Variants in ADGRB1 observed in about 807,000 individuals in gnomAD.
ADGRB1 encodes adhesion G protein-coupled receptor B1, also known as brain-specific angiogenesis inhibitor 1.
Under a neutral mutation model 175.7 loss-of-function variants are expected in ADGRB1, and 36 were observed. The ratio of observed to expected loss-of-function variants is 0.20; its 90% CI spans 0.16 to 0.27. The LOEUF is 0.27. Among genes scored for constraint, ADGRB1 ranks in the 10% least tolerant of loss-of-function variants. The pLI, the probability that ADGRB1 is intolerant of heterozygous loss-of-function variation, is 1.00. For synonymous variants in ADGRB1, 1,054 were observed against 979.4 expected (o/e 1.08, Z -1.42); for missense variants, 1,731 against 2,255.3 (o/e 0.77, Z 4.71).
intron 27 of ADGRB1, chr8:142,539,898 A>T: frequency 6.3e-6 from 1 of 158,460 alleles, no homozygotes; most frequent in Non-Finnish European, 1.4e-5. Context: ...GGCTAGGGGG[A>T]CAACGGGGAG....
At chr8:142,450,276 C>G (rs1791059583) in intron 1 of ADGRB1, among the ~76,000 whole-genome samples, 172 bp downstream of exon 1, 1 of 151,618 alleles carries the variant, frequency 6.6e-6, no homozygotes, top group African/African-American at 2.4e-5. Flanking sequence ...CACCCCCTAC[C>G]CCCTCAGCCC....
intron 11 of ADGRB1, among the ~76,000 whole-genome samples, chr8:142,481,946 C>T (rs1841359624): frequency 6.7e-6 from 1 of 149,250 alleles, no homozygotes; most frequent in African/African-American, 2.5e-5. Flanking sequence ...ACATGCTGAG[C>T]TCTGGTCATA....
At position 142,510,914 on chromosome 8, in the gene ADGRB1, T is replaced by TG; in HGVS notation, c.2676-17dup. 4.4e-6 allele frequency: 4 copies of TG among 906,914 alleles called. No homozygotes were observed. Among genetic ancestry groups the TG allele is most frequent in the Non-Finnish European group, 5.4e-6 (4 of 736,658 alleles). The allele number at this position is 906,914 out of a possible 1,614,324, so 56.2% of individuals were successfully genotyped here. A position where few individuals can be genotyped will look rare whatever the true frequency, so the allele number is the denominator to read the frequency against. ...TGACGCTCCGCCTGTCTCCCTCCCG[T>TG]GTCCCGCCCGCCCCCAGACCCTCCT... On this transcript the variant is annotated splice_polypyrimidine_tract_variant and intron_variant, in intron 17 of 30. Transcript: ENST00000517894. This position sits in a 1 kb window ranked among gnomAD's most constrained non-coding sequence, Gnocchi z 6.3.
In ADGRB1 at chr8:142,489,367, T is replaced by C; in HGVS notation, c.2560T>C (p.Ser854Pro). Residue 854 changes from serine (S) to proline (P), a missense_variant, in exon 16 of 31, where the codon TCC becomes CCC. Ser to Pro is a moderately conservative substitution (Grantham distance 74, BLOSUM62 -1). This residue lies in a region of ADGRB1 where 388 missense variants were observed against 630.9 expected (regional missense o/e 0.61). Transcript: ENST00000517894. The part of the protein sequence containing the change: ...NTTVLNSKVI[S>P]VTVKPPPRSL... ...GACCGTCCTGAATTCTAAGGTGATCTCCGTGACTGTGAAACCCCCGCCTCG... is the reference window on the plus strand; with the variant it reads ...GACCGTCCTGAATTCTAAGGTGATCCCCGTGACTGTGAAACCCCCGCCTCG... The C allele has an allele frequency of 6.2e-7, 1 of 1,612,946 alleles. No homozygotes were observed. Among genetic ancestry groups the C allele is most frequent in the Non-Finnish European group, 8.5e-7 (1 of 1,179,844 alleles).
intron 2 of ADGRB1, among the ~76,000 whole-genome samples, chr8:142,469,744 TGTGA>T (rs1840544574): frequency 6.6e-6 from 1 of 152,194 alleles, no homozygotes; most frequent in East Asian, 1.9e-4. Flanking sequence ...TGTGTGAATG[TGTGA>T]GTGCCTGTGT....
intron 30 of ADGRB1, 84 bp from the exon 31 acceptor site, chr8:142,544,136 G>C: frequency 7.1e-7 from 1 of 1,418,146 alleles, no homozygotes; most frequent in Non-Finnish European, 9.5e-7. Flanking sequence ...TCACTGATTC[G>C]TGTCTGCCTC....
At chr8:142,538,865 C>T (rs575084470) in intron 26 of ADGRB1, among the ~76,000 whole-genome samples, 5 of 152,300 alleles carry the variant, frequency 3.3e-5, no homozygotes, top group African/African-American at 1.2e-4. Context: ...AGTTCTGGTG[C>T]CGCAGGCCCA....
In ADGRB1 at chr8:142,475,621, G is replaced by A; in HGVS notation, c.932G>A (p.Arg311His). 8.1e-7 allele frequency: 1 copy of A among 1,231,550 alleles called. No homozygotes were observed. The highest frequency in any genetic ancestry group is 1.0e-6 in the Non-Finnish European group (1 of 987,420). 76.3% of individuals were successfully genotyped at this position (1,231,550 alleles called of 1,614,324 possible). Reference sequence around the variant, plus strand: ...CTGGAGGAGGGTCGCCAGTGCAACCGCGAGGCCTGCGGCCGTGAGTGCGGG... The same window carrying A: ...CTGGAGGAGGGTCGCCAGTGCAACCACGAGGCCTGCGGCCGTGAGTGCGGG... ...GVLEEGRQCN[R>H]EACGPAGRTS... The change falls in exon 3 of 31, where the codon CGC (arginine) becomes CAC (histidine). Residue 311 changes from arginine to histidine, a missense_variant. Around this residue, in one of 8 missense-constraint regions of ADGRB1, gnomAD observed 178 missense variants for 227.8 expected, o/e 0.78. Coordinates refer to ENST00000517894, the MANE Select transcript of ADGRB1 (RefSeq NM_001702.3).
intron 18 of ADGRB1, among the ~76,000 whole-genome samples, chr8:142,512,958 G>A (rs2132053080): frequency 6.6e-6 from 1 of 152,210 alleles, no homozygotes; most frequent in Non-Finnish European, 1.5e-5. Context: ...GCTGCTCTGT[G>A]GGACAGCAGC....
intron 3 of ADGRB1, 78 bp downstream of exon 3, chr8:142,475,713 C>A (rs1840926161): frequency 7.3e-6 from 2 of 274,940 alleles, no homozygotes; most frequent in Admixed American, 1.6e-4. Flanking sequence ...GGGTGGGGCC[C>A]TGGAGAGGAG....
chr8:142,542,796 G>T lies in ADGRB1; in HGVS notation c.4413+149G>T. On this transcript the variant is annotated intron_variant, in intron 28 of 30. Coordinates refer to ENST00000517894, the MANE Select transcript of ADGRB1 (RefSeq NM_001702.3). The surrounding 1 kb of genome is among the most constrained non-coding windows in gnomAD (Gnocchi z 6.3). Reference sequence around the variant, plus strand: ...CACCCCCCACCCCTGGCCCTGCTGGGTGTGCTGTGTATGTCTGACGTGTGG... The same window carrying T: ...CACCCCCCACCCCTGGCCCTGCTGGTTGTGCTGTGTATGTCTGACGTGTGG... 2 of 751,672 alleles carry T rather than the reference G, an allele frequency of 2.7e-6. No homozygotes were observed. 46.6% of individuals were successfully genotyped at this position (751,672 alleles called of 1,614,324 possible).
chr8:142,458,854 G>A (rs1380894410), intron 1 of ADGRB1, among the ~76,000 whole-genome samples: 7 of 152,246 alleles, frequency 4.6e-5, no homozygotes, highest in Admixed American at 2.0e-4. Context: ...GAGGGGCAGT[G>A]GGTAACGGGA....
chr8:142,480,093 A>G (rs1406581598), intron 9 of ADGRB1, among the ~76,000 whole-genome samples: 3 of 152,226 alleles, frequency 2.0e-5, no homozygotes, highest in African/African-American at 7.2e-5. Flanking sequence ...ACTGAGGCAC[A>G]GGGAAGTGAA....
rs1843106584 is a variant in ADGRB1 at position 142,511,573 on chromosome 8, G to A, written c.2817+500G>A. 6.6e-6 allele frequency among the ~76,000 whole-genome samples: 1 copy of A among 152,186 alleles called. No homozygotes were observed. Among genetic ancestry groups the A allele is most frequent in the Non-Finnish European group, 1.5e-5 (1 of 68,018 alleles). On this transcript the variant is annotated intron_variant, in intron 18 of 30. Coordinates refer to ENST00000517894, the MANE Select transcript of ADGRB1 (RefSeq NM_001702.3). This position sits in a 1 kb window ranked among gnomAD's most constrained non-coding sequence, Gnocchi z 4.5. ...GGAGGTGGCGGTGGCCCCAGGCAGG[G>A]GCCCTGGCCCAGATCCACCGCCCCC...
intron 6 of ADGRB1, 81 bp downstream of exon 6, chr8:142,477,630 G>A (rs942976722): frequency 2.0e-6 from 3 of 1,490,052 alleles, no homozygotes; most frequent in Non-Finnish European, 2.7e-6. Context: ...AGGCCCAGGA[G>A]CCCAGCTTTG....
In ADGRB1 at chr8:142,533,317, G is replaced by A; in HGVS notation, c.3421G>A (p.Val1141Met). The change falls in exon 25 of 31, where the codon GTG becomes ATG. Residue 1141 changes from valine (V) to methionine (M), a missense_variant. Physicochemically the swap from Val to Met is conservative, Grantham distance 21. This residue lies in a region of ADGRB1 where 301 missense variants were observed against 488.4 expected (regional missense o/e 0.62). Transcript: ENST00000517894. ...RAGASLWSSC[V>M]VLPLLALTWM... Reference sequence around the variant, plus strand: ...CAGGGCCTCCCTGTGGAGCTCCTGCGTGGTGCTGCCGCTGCTGGCGCTGAC... The same window carrying A: ...CAGGGCCTCCCTGTGGAGCTCCTGCATGGTGCTGCCGCTGCTGGCGCTGAC... 3.2e-6 allele frequency: 5 copies of A among 1,563,054 alleles called. No individual in the cohort carries two copies. The highest frequency in any genetic ancestry group is 1.2e-5 in the South Asian group (1 of 86,162).
At chr8:142,525,394 A>G (rs1053717113) in intron 23 of ADGRB1, among the ~76,000 whole-genome samples, 1 of 150,940 alleles carries the variant, frequency 6.6e-6, no homozygotes, top group Non-Finnish European at 1.5e-5. Flanking sequence ...ATGTGTCAGG[A>G]AGGCAGGCTG....
chr8:142,507,220 G>A (rs913524517), intron 17 of ADGRB1, among the ~76,000 whole-genome samples: 31 of 152,196 alleles, frequency 2.0e-4, no homozygotes, highest in African/African-American at 7.2e-4. Flanking sequence ...GGAAGGGTGA[G>A]GAGAAGGGTC....
intron 18 of ADGRB1, among the ~76,000 whole-genome samples, chr8:142,516,022 C>T (rs561183609): frequency 6.6e-6 from 1 of 152,218 alleles, no homozygotes; most frequent in Non-Finnish European, 1.5e-5. Context: ...CTTCTGCACA[C>T]GAAGAGAAGG....
Sources: gnomAD v4.1 joint callset for allele counts (sites outside exome capture counted in the v4.1 genomes callset) on GRCh38, gnomAD v4.1.1 for gene constraint, gnomAD v4.1.1 regional missense constraint, Gnocchi (gnomAD v3.1) non-coding constraint, MANE v1.5 for transcripts, NCBI Gene and HGNC (gene_info 2026-07-23, HGNC 2026-07-21) for gene names.